Variants in CYP4F22 observed in about 807,000 individuals in gnomAD.
The protein encoded by CYP4F22 is ultra-long-chain fatty acid omega-hydroxylase.
Under a neutral mutation model 60.4 loss-of-function variants are expected in CYP4F22, and 37 were observed. The ratio of observed to expected loss-of-function variants is 0.61; its 90% CI spans 0.47 to 0.81. The LOEUF is 0.81. Among genes scored for constraint, CYP4F22 ranks in the 30% least tolerant of loss-of-function variants. The pLI, the probability that CYP4F22 is intolerant of heterozygous loss-of-function variation, is 0.00. For synonymous variants in CYP4F22, 258 were observed against 280.5 expected, an observed-to-expected ratio of 0.92 and a Z score of 0.80; for missense variants, 655 against 715.0, an observed-to-expected ratio of 0.92 and a Z score of 0.96.
intron 1 of CYP4F22, among the ~76,000 whole-genome samples, chr19:15,521,289 T>C (rs1422855034): frequency 6.8e-6 from 1 of 147,046 alleles, no homozygotes; most frequent in East Asian, 2.0e-4. Context: ...TGGAGTGCAG[T>C]GGTTCGATCT....
chr19:15,545,991 C>T (rs763118750), intron 10 of CYP4F22, among the ~76,000 whole-genome samples: 8 of 152,006 alleles, frequency 5.3e-5, no homozygotes, highest in Non-Finnish European at 1.2e-4. Flanking sequence ...TTTATAGCAA[C>T]ATGAAGTTTA....
Sources: gnomAD v4.1 joint callset for allele counts (sites outside exome capture counted in the v4.1 genomes callset) on GRCh38, gnomAD v4.1.1 for gene constraint, MANE v1.5 for transcripts, NCBI Gene and HGNC (gene_info 2026-07-23, HGNC 2026-07-21) for gene names.